Variants in KCNQ4 observed in about 807,000 individuals in gnomAD.
KCNQ4 encodes the protein potassium voltage-gated channel subfamily Q member 4, also known as potassium voltage-gated channel subfamily KQT member 4.
In KCNQ4, 31 loss-of-function variants were observed where a neutral mutation model predicts 72.6. The observed-to-expected ratio is 0.43, with a 90% CI of 0.32 to 0.58. KCNQ4 has a LOEUF of 0.58. Ranked by LOEUF, KCNQ4 falls within the 20% of genes least tolerant of loss-of-function variation. The pLI is 0.08. For synonymous variants in KCNQ4, 405 were observed against 403.7 expected (o/e 1.00, Z -0.04); for missense variants, 869 against 962.6 (o/e 0.90, Z 1.29).
chr1:40,827,659 C>G (rs960055010), intron 9 of KCNQ4, among the ~76,000 whole-genome samples: 1 of 152,160 alleles, frequency 6.6e-6, no homozygotes, highest in Non-Finnish European at 1.5e-5. Flanking sequence ...TGGCAGGGCT[C>G]CTGGCTGCCC....
At position 40,838,299 on chromosome 1, in the gene KCNQ4, C is replaced by T; in HGVS notation, c.1876-12C>T. ...TCCCAGGCCCTGCTTCCCAGCTGCG[C>T]CCCGTCCCCAGGTGCAGTCCATCGA... On this transcript the variant is annotated splice_polypyrimidine_tract_variant and intron_variant, in intron 13 of 13. Transcript: ENST00000347132. The T allele has an allele frequency of 6.2e-7, 1 of 1,612,262 alleles. No homozygotes were observed. Among genetic ancestry groups the T allele is most frequent in the Non-Finnish European group, 8.5e-7 (1 of 1,179,432 alleles).
Position 40,838,716 on chromosome 1 carries a change from G to A in KCNQ4, c.*193G>A. 1.6e-6 allele frequency: 1 copy of A among 636,492 alleles called. No individual in the cohort carries two copies. The highest frequency in any genetic ancestry group is 2.7e-5 in the East Asian group (1 of 36,570). The allele number at this position is 636,492 out of a possible 1,614,324, so 39.4% of individuals were successfully genotyped here. On this transcript the variant is annotated 3_prime_UTR_variant, in exon 14 of 14. Transcript: ENST00000347132. Reference sequence around the variant, plus strand: ...CCAGCGCCCCTTCCCCACCTCAGGAGCGTGAGATGCCAGGTCGCACAGAGG... The same window carrying A: ...CCAGCGCCCCTTCCCCACCTCAGGAACGTGAGATGCCAGGTCGCACAGAGG...
chr1:40,805,664 A>G (rs1252538781), intron 1 of KCNQ4, among the ~76,000 whole-genome samples: 1 of 152,152 alleles, frequency 6.6e-6, no homozygotes, highest in Non-Finnish European at 1.5e-5. Flanking sequence ...TGCCATTGTC[A>G]GGGACAGAGC....
intron 1 of KCNQ4, among the ~76,000 whole-genome samples, chr1:40,807,540 G>A (rs1246697210): frequency 6.6e-6 from 1 of 152,206 alleles, no homozygotes; most frequent in East Asian, 1.9e-4. Context: ...TTCTTGGAAA[G>A]AGCCTCGCTC....
rs1222288579 is a variant in KCNQ4 at position 40,818,217 on chromosome 1, C to T, written c.459C>T (p.Ser153=). 2.5e-6 allele frequency: 4 copies of T among 1,613,774 alleles called. No individual in the cohort carries two copies. Among genetic ancestry groups the T allele is most frequent in the African/African-American group, 1.3e-5 (1 of 74,900 alleles). Reference sequence around the variant, plus strand: ...TGGAGTACATCGTCCGGGTCTGGTCCGCCGGATGCTGCTGCCGCTACCGAG... The same window carrying T: ...TGGAGTACATCGTCCGGGTCTGGTCTGCCGGATGCTGCTGCCGCTACCGAG... ...FGLEYIVRVW[S]AGCCCRYRGW... is the part of the protein sequence containing the mutation. Residue 153 remains serine (S), a synonymous_variant, in exon 3 of 14, where the codon TCC becomes TCT. Transcript: ENST00000347132.
chr1:40,808,831 A>G (rs368977120), intron 1 of KCNQ4, among the ~76,000 whole-genome samples: 12 of 152,220 alleles, frequency 7.9e-5, no homozygotes, highest in African/African-American at 2.7e-4. Flanking sequence ...TCATCTTAAA[A>G]GAAAAGAAAA....
At chr1:40,821,211 A>G (rs3754173) in intron 7 of KCNQ4, among the ~76,000 whole-genome samples, 86,922 of 152,020 alleles carry the variant, frequency 0.57, 25,425 homozygotes, top group Middle Eastern at 0.64. Context: ...AGAGACAGCT[A>G]GTATTGTGGT....
rs900654020 is a variant in KCNQ4 at position 40,788,732 on chromosome 1, C to G, written c.314+4325C>G. Among the ~76,000 whole-genome samples, 15 of 152,204 alleles carry G rather than the reference C, an allele frequency of 9.9e-5. No individual in the cohort carries two copies. Among genetic ancestry groups the G allele is most frequent in the African/African-American group, 3.6e-4 (15 of 41,454 alleles). On this transcript the variant is annotated intron_variant, in intron 1 of 13. Transcript: ENST00000347132. This position sits in a 1 kb window ranked among gnomAD's most constrained non-coding sequence, Gnocchi z 4.5. ...CATCTGTCCGTCCATCCCAGCACCC[C>G]GCACACAGTCAGCAGGGGGTGGGCA...
At chr1:40,814,046 C>CTTTTTTTTTTTTTT (rs35243800) in intron 1 of KCNQ4, among the ~76,000 whole-genome samples, 5 of 52,706 alleles carry the variant, frequency 9.5e-5, no homozygotes, top group Non-Finnish European at 1.3e-4. Flanking sequence ...TGCGCCCGGC[C>CTTTTTTTTTTTTTT]TTTTTTTTTT....
chr1:40,790,999 C>T (rs1647269784), intron 1 of KCNQ4, among the ~76,000 whole-genome samples: 1 of 152,072 alleles, frequency 6.6e-6, no homozygotes, highest in Non-Finnish European at 1.5e-5. Flanking sequence ...GCTGGCCTGG[C>T]CCCCGAGAGA....
At chr1:40,800,606 A>G (rs1647544583) in intron 1 of KCNQ4, among the ~76,000 whole-genome samples, 2 of 152,134 alleles carry the variant, frequency 1.3e-5, no homozygotes, top group Non-Finnish European at 2.9e-5. Context: ...GCTTCACAGG[A>G]CAGTGTGGAA....
At chr1:40,808,062 G>T (rs1358175967) in intron 1 of KCNQ4, among the ~76,000 whole-genome samples, 1 of 150,798 alleles carries the variant, frequency 6.6e-6, no homozygotes, top group Admixed American at 6.6e-5. Flanking sequence ...AGCTATGATT[G>T]CACCACTGCA....
chr1:40,784,109 C>G lies in KCNQ4; in HGVS notation c.16C>G (p.Pro6Ala). Residue 6 changes from proline to alanine, a missense_variant, in exon 1 of 14, where the codon CCG (proline) becomes GCG (alanine). By Grantham distance (27) the Pro-to-Ala change is conservative. Around this residue, in one of 5 missense-constraint regions of KCNQ4, gnomAD observed 178 missense variants for 145.3 expected, o/e 1.22. Transcript: ENST00000347132. This position sits in a 1 kb window ranked among gnomAD's most constrained non-coding sequence, Gnocchi z 4.1. MAEAP[P>A]RRLGLGPPPG... ...GGCGCCGCCCATGGCCGAGGCCCCC[C>G]CGCGCCGCCTCGGCCTGGGTCCCCC... is the stretch of plus-strand genomic sequence containing the variant. The G allele has an allele frequency of 1.6e-6, 1 of 630,690 alleles. No individual in the cohort carries two copies. 39.1% of individuals were successfully genotyped at this position (630,690 alleles called of 1,614,324 possible).
At chr1:40,812,684 G>A (rs1647963739) in intron 1 of KCNQ4, among the ~76,000 whole-genome samples, 1 of 152,222 alleles carries the variant, frequency 6.6e-6, no homozygotes, top group Admixed American at 6.5e-5. Context: ...TTTTTAAGCA[G>A]CGTCCGCCAA....
At position 40,817,149 on chromosome 1, in the gene KCNQ4, C is replaced by A; in HGVS notation, c.315-116C>A. 2.4e-6 allele frequency: 2 copies of A among 821,410 alleles called. No individual in the cohort carries two copies. The highest frequency in any genetic ancestry group is 4.1e-6 in the Non-Finnish European group (2 of 484,222). The allele number at this position is 821,410 out of a possible 1,614,324, so 50.9% of individuals were successfully genotyped here. A position where few individuals can be genotyped will look rare whatever the true frequency, so the allele number is the denominator to read the frequency against. ...CAGGGAATTCCAATTCTGATTTCCA[C>A]ATAATTTTCTGAAAATAATGTTCTC... On this transcript the variant is annotated intron_variant, in intron 1 of 13. Transcript: ENST00000347132. The surrounding 1 kb of genome is among the most constrained non-coding windows in gnomAD (Gnocchi z 5.5).
At chr1:40,822,214 C>G in intron 7 of KCNQ4, 100 bp from the exon 8 acceptor site, 1 of 1,027,532 alleles carries the variant, frequency 9.7e-7, no homozygotes, top group South Asian at 1.3e-5. Flanking sequence ...TCTGGGTAAC[C>G]CACAACTGGA....
intron 12 of KCNQ4, among the ~76,000 whole-genome samples, chr1:40,837,415 C>G (rs1490489470): frequency 1.3e-5 from 2 of 152,206 alleles, no homozygotes; most frequent in African/African-American, 2.4e-5. Flanking sequence ...ATTTCCATTC[C>G]TCTTTCACCA....
chr1:40,825,153 G>A (rs193275211), intron 9 of KCNQ4, among the ~76,000 whole-genome samples: 6 of 152,176 alleles, frequency 3.9e-5, no homozygotes, highest in African/African-American at 1.2e-4. Flanking sequence ...TTTTTCCCTC[G>A]TCCTTTACCC....
rs1647959215 is a variant in KCNQ4 at position 40,812,517 on chromosome 1, A to G, written c.315-4748A>G. ...GACTCAAGCAATCCTCCCACCTTGG[A>G]CTCCCAAATGTTGGGATTACAGGCA... On this transcript the variant is annotated intron_variant, in intron 1 of 13. Transcript: ENST00000347132. 2.0e-5 allele frequency among the ~76,000 whole-genome samples: 3 copies of G among 151,972 alleles called. No individual in the cohort carries two copies. In the South Asian group the frequency reaches 6.2e-4, roughly 32 times the overall value.
Sources: allele counts gnomAD v4.1 joint callset (sites outside exome capture counted in the v4.1 genomes callset), GRCh38; gene constraint gnomAD v4.1.1; regional missense constraint gnomAD v4.1.1; non-coding constraint Gnocchi (gnomAD v3.1); transcripts MANE v1.5; gene names NCBI Gene and HGNC (gene_info 2026-07-23, HGNC 2026-07-21).